Variants in ATM observed in about 807,000 individuals in gnomAD.
ATM encodes ATM serine/threonine kinase, also known as serine-protein kinase ATM.
A neutral mutation model predicts 387.0 loss-of-function variants in ATM; 308 were observed. That is an observed-to-expected ratio of 0.80 (90% CI 0.73 to 0.87). The LOEUF is 0.87. Ranked by LOEUF, ATM falls within the 40% of genes least tolerant of loss-of-function variation. The probability of loss-of-function intolerance (pLI) is 0.00; values close to 1 mark genes in which losing one functional copy is unlikely to be tolerated. For missense variants in ATM, 3,312 were observed against 3,560.9 expected (o/e 0.93, Z 1.78); for synonymous variants, 1,156 against 1,187.3 (o/e 0.97, Z 0.54).
intron 61 of ATM, among the ~76,000 whole-genome samples, chr11:108,364,493 A>G (rs188858526): frequency 6.6e-6 from 1 of 152,334 alleles, no homozygotes; most frequent in African/African-American, 2.4e-5. Context: ...TCAAGATTCC[A>G]AACGCAGCAC....
intron 61 of ATM, among the ~76,000 whole-genome samples, chr11:108,357,215 C>T (rs1186547977): frequency 1.3e-5 from 2 of 152,190 alleles, no homozygotes; most frequent in African/African-American, 4.8e-5. Context: ...TCACTCCCAC[C>T]CGAATATTGC....
intron 24 of ATM, among the ~76,000 whole-genome samples, chr11:108,282,172 G>T (rs1017724288): frequency 1.3e-5 from 2 of 149,794 alleles, no homozygotes; most frequent in Admixed American, 1.3e-4. Context: ...CTGTCGCCCA[G>T]ACTGGAGTGC....
intron 3 of ATM, 64 bp downstream of exon 3, chr11:108,227,952 T>C: frequency 7.2e-7 from 1 of 1,385,832 alleles, no homozygotes; most frequent in South Asian, 1.2e-5. Flanking sequence ...TCTGTTGTGA[T>C]ATTACTTTTG....
intron 16 of ATM, among the ~76,000 whole-genome samples, chr11:108,264,326 T>C (rs979647971): frequency 6.6e-6 from 1 of 152,112 alleles, no homozygotes; most frequent in Non-Finnish European, 1.5e-5. Flanking sequence ...GCTGGTTCAA[T>C]GTACACAAAT....
At chr11:108,247,192 T>C in intron 8 of ATM, 65 bp downstream of exon 8, 1 of 1,559,424 alleles carries the variant, frequency 6.4e-7, no homozygotes, top group Non-Finnish European at 8.8e-7. Context: ...AACTGGGCAT[T>C]TTGGGCTTTT....
In ATM at chr11:108,343,224, G is replaced by A. The variant is rs906362400; in HGVS notation, c.8271G>A (p.Val2757=). The A allele has an allele frequency of 1.2e-6, 2 of 1,613,910 alleles. No homozygotes were observed. The highest frequency in any genetic ancestry group is 1.7e-6 in the Non-Finnish European group (2 of 1,179,888). The part of the protein sequence containing the change: ...KRKLTICTYK[V]VPLSQRSGVL... ...AGGTATTTAATCTGTAACTCCAGGT[G>A]GTTCCCCTCTCTCAGCGAAGTGGTG... Residue 2757 remains valine, a splice_region_variant and synonymous_variant, in exon 57 of 63, where the codon GTG becomes GTA. Coordinates refer to ENST00000675843, the MANE Select transcript of ATM (RefSeq NM_000051.4).
In ATM at chr11:108,259,075, A is replaced by G. The variant is rs747108452; in HGVS notation, c.2466A>G (p.Leu822=). 1.1e-5 allele frequency: 17 copies of G among 1,609,654 alleles called. No homozygotes were observed. The highest frequency in any genetic ancestry group is 1.4e-5 in the Non-Finnish European group (16 of 1,176,994). The change falls in exon 16 of 63, where the codon TTA becomes TTG. Residue 822 remains leucine, a splice_region_variant and synonymous_variant. Transcript: ENST00000675843. ...ACATTGCAGATATTTGTAAAAGTTT[A>G]GTAAGTATGCTTCCTGTTTTGCTAT... ...MNDIADICKS[L]ASFIKKPFDR...
Position 108,299,757 on chromosome 11 carries a change from C to A in ATM, c.5049C>A (p.Phe1683Leu), listed in dbSNP as rs1183084231. ...SCLGEVGPID[F>L]STIAIQHSKD... ...TGGGAGAAGTGGGTCCTATAGATTT[C>A]TCTACCATAGCTATACAACATAGTA... Residue 1683 changes from phenylalanine (F) to leucine (L), a missense_variant, in exon 34 of 63, where the codon TTC (phenylalanine) becomes TTA (leucine). Physicochemically the swap from Phe to Leu is conservative, Grantham distance 22. Transcript: ENST00000675843. 6.2e-7 allele frequency: 1 copy of A among 1,613,804 alleles called. No homozygotes were observed. Among genetic ancestry groups the A allele is most frequent in the African/African-American group, 1.3e-5 (1 of 74,898 alleles).
intron 11 of ATM, 102 bp downstream of exon 11, chr11:108,252,133 A>G (rs752618952): frequency 1.4e-5 from 14 of 997,962 alleles, no homozygotes; most frequent in East Asian, 2.5e-5. Context: ...ATAATAATGC[A>G]GAATTTCCCA....
chr11:108,358,144 G>C (rs2090253043), intron 61 of ATM, among the ~76,000 whole-genome samples: 1 of 151,670 alleles, frequency 6.6e-6, no homozygotes, highest in Non-Finnish European at 1.5e-5. Flanking sequence ...ACTATGTGAA[G>C]AATGCAGAAG....
chr11:108,286,335 AAAAG>A (rs2082491014), intron 26 of ATM, among the ~76,000 whole-genome samples: 3 of 151,350 alleles, frequency 2.0e-5, no homozygotes, highest in African/African-American at 4.8e-5. Context: ...AAAAAAAAAA[AAAAG>A]AATTGTATAA....
chr11:108,312,343 T>C, intron 39 of ATM, 68 bp from the exon 40 acceptor site: 6 of 1,171,784 alleles, frequency 5.1e-6, no homozygotes, highest in South Asian at 2.5e-5. Flanking sequence ...TCAAAGTCTA[T>C]AGTATATGTA....
chr11:108,331,209 G>C, intron 50 of ATM: 3 of 1,214,602 alleles, frequency 2.5e-6, no homozygotes, highest in Non-Finnish European at 1.0e-6. Flanking sequence ...TTCTAGTTCT[G>C]AATCCAGTTT....
At chr11:108,339,859 C>CA (rs1189557408) in intron 56 of ATM, among the ~76,000 whole-genome samples, 1 of 152,038 alleles carries the variant, frequency 6.6e-6, no homozygotes, top group African/African-American at 2.4e-5. Context: ...ACAGCTAACT[C>CA]AAAGACAGCA....
intron 1 of ATM, chr11:108,224,626 C>T (rs1401602399): frequency 6.6e-6 from 1 of 152,116 alleles, no homozygotes; most frequent in Non-Finnish European, 1.5e-5. Flanking sequence ...AGTCTCCTTC[C>T]CTGAAGTGTT....
At position 108,249,068 on chromosome 11, in the gene ATM, C is replaced by G. The variant is rs772529339; in HGVS notation, c.1201C>G (p.Gln401Glu). The G allele has an allele frequency of 6.2e-7, 1 of 1,613,980 alleles. No homozygotes were observed. Among genetic ancestry groups the G allele is most frequent in the Non-Finnish European group, 8.5e-7 (1 of 1,179,980 alleles). ...CTGGGAAGTAATAAAAGATCACCTT[C>G]AGAAGTCACAGAATGATTTTGATCT... ...LGWEVIKDHLQKSQNDFDLVP... is the reference protein window; with the variant it reads ...LGWEVIKDHLEKSQNDFDLVP... The change falls in exon 9 of 63, where the codon CAG (glutamine) becomes GAG (glutamate). Residue 401 changes from glutamine (Q) to glutamate (E), a missense_variant. Transcript: ENST00000675843.
At chr11:108,356,972 A>C (rs951450346) in intron 61 of ATM, among the ~76,000 whole-genome samples, 11 of 152,204 alleles carry the variant, frequency 7.2e-5, no homozygotes, top group South Asian at 2.1e-4. Flanking sequence ...CAGCTCCGGT[A>C]TACAGCTCCC....
rs621810 is a variant in ATM at position 108,277,362 on chromosome 11, T to C, written c.3285-2129T>C. Among the ~76,000 whole-genome samples, 98 of 152,216 alleles carry C rather than the reference T, an allele frequency of 6.4e-4. 2 individuals carry two copies. The Middle Eastern group carries it at 0.027, about 42-fold the overall frequency. On this transcript the variant is annotated intron_variant, in intron 22 of 62. Transcript: ENST00000675843. ...GGCTCCCTGGCTTCAGCCCCCTTTC[T>C]AGGGGAGTGAATGGGTCCGTCTCGC...
At chr11:108,357,612 T>G (rs1326873837) in intron 61 of ATM, among the ~76,000 whole-genome samples, 10 of 152,170 alleles carry the variant, frequency 6.6e-5, no homozygotes, top group Non-Finnish European at 1.2e-4. Context: ...ACAGGCAGAC[T>G]GCCTCCTCAA....
Sources: gnomAD v4.1 joint callset for allele counts (sites outside exome capture counted in the v4.1 genomes callset) on GRCh38, gnomAD v4.1.1 for gene constraint, MANE v1.5 for transcripts, NCBI Gene and HGNC (gene_info 2026-07-23, HGNC 2026-07-21) for gene names.